The following PCSK6 variants were observed in gnomAD, a reference collection of about 807,000 sequenced individuals.
PCSK6 encodes the protein paired basic amino acid cleaving enzyme 4.
PCSK6 carries 85 observed loss-of-function variants against 123.3 expected under a neutral mutation model. The ratio of observed to expected loss-of-function variants is 0.69; its 90% CI spans 0.58 to 0.83. The LOEUF is 0.83. Among genes scored for constraint, PCSK6 ranks in the 40% least tolerant of loss-of-function variants. PCSK6 has a pLI of 0.00. For synonymous variants in PCSK6, 508 were observed against 516.0 expected, an observed-to-expected ratio of 0.98 and a Z score of 0.21; for missense variants, 1,191 against 1,282.3, an observed-to-expected ratio of 0.93 and a Z score of 1.09.
chr15:101,386,190 C>G (rs771211423), intron 9 of PCSK6, among the ~76,000 whole-genome samples: 5 of 152,050 alleles, frequency 3.3e-5, no homozygotes, highest in Non-Finnish European at 5.9e-5. Flanking sequence ...GAATGTGACC[C>G]TAGGAACACG....
At chr15:101,329,737 C>A (rs1231760850) in intron 15 of PCSK6, among the ~76,000 whole-genome samples, 1 of 152,250 alleles carries the variant, frequency 6.6e-6, no homozygotes, top group East Asian at 1.9e-4. Context: ...CTGAGCTGAT[C>A]TCAGCCCACT....
chr15:101,386,284 G>A (rs899407112), intron 9 of PCSK6, among the ~76,000 whole-genome samples: 11 of 152,082 alleles, frequency 7.2e-5, no homozygotes, highest in African/African-American at 2.2e-4. Flanking sequence ...CAGCTGCCCC[G>A]GCCTCCCCAG....
chr15:101,329,790 G>A (rs1235072899), intron 15 of PCSK6, among the ~76,000 whole-genome samples: 2 of 152,206 alleles, frequency 1.3e-5, no homozygotes, highest in Non-Finnish European at 2.9e-5. Context: ...TGAGGCCCAG[G>A]CTTCCCTGTG....
intron 6 of PCSK6, among the ~76,000 whole-genome samples, chr15:101,415,736 G>A (rs973450423): frequency 6.6e-6 from 1 of 152,212 alleles, no homozygotes; most frequent in African/African-American, 2.4e-5. Flanking sequence ...ATGGGTGCCA[G>A]TCTTTCCTGT....
At chr15:101,335,961 T>C (rs1294286221) in intron 13 of PCSK6, among the ~76,000 whole-genome samples, 1 of 152,238 alleles carries the variant, frequency 6.6e-6, no homozygotes, top group Non-Finnish European at 1.5e-5. Context: ...TAAGTGTTTG[T>C]GTACCTAAAC....
chr15:101,316,572 T>C (rs1243757393), intron 19 of PCSK6, among the ~76,000 whole-genome samples: 1 of 152,164 alleles, frequency 6.6e-6, no homozygotes, highest in African/African-American at 2.4e-5. Flanking sequence ...ATAAAAATAA[T>C]AGACAAAAAG....
rs1402363429 is a variant in PCSK6, at chr15:101,324,891, G to A, written c.2336C>T (p.Thr779Ile). 2 of 1,613,608 alleles carry A rather than the reference G, an allele frequency of 1.2e-6. No homozygotes were observed. Among genetic ancestry groups the A allele is most frequent in the Non-Finnish European group, 8.5e-7 (1 of 1,179,884 alleles). Residue 779 changes from threonine to isoleucine, a missense_variant, in exon 17 of 22, where the codon ACC (threonine) becomes ATC (isoleucine). This residue lies in a region of PCSK6 where 630 missense variants were observed against 631.4 expected (regional missense o/e 1.00). Coordinates refer to ENST00000611716, the MANE Select transcript of PCSK6 (RefSeq NM_002570.5). Reference sequence around the variant, plus strand: ...TCCTGCAGGACAGAGGGTCACACAGGTGTTCATCTCCTGGTGGTGATAGAA... The same window carrying A: ...TCCTGCAGGACAGAGGGTCACACAGATGTTCATCTCCTGGTGGTGATAGAA... ...RGFYHHQEMN[T>I]CVTLCPAGFY...
At chr15:101,377,159 GC>G (rs1567175142) in intron 11 of PCSK6, among the ~76,000 whole-genome samples, 1 of 152,234 alleles carries the variant, frequency 6.6e-6, no homozygotes, top group Non-Finnish European at 1.5e-5. Context: ...TCACCAGCTT[GC>G]CCAGCTGACC....
At chr15:101,399,929 G>A (rs1287253495) in intron 6 of PCSK6, among the ~76,000 whole-genome samples, 1 of 152,148 alleles carries the variant, frequency 6.6e-6, no homozygotes, top group Admixed American at 6.5e-5. Context: ...AAGACGTAAT[G>A]GAAAAGAGGA....
chr15:101,393,372 C>G lies in PCSK6; in HGVS notation c.1049G>C (p.Arg350Thr). 6.2e-7 allele frequency: 1 copy of G among 1,605,326 alleles called. No individual in the cohort carries two copies. Among genetic ancestry groups the G allele is most frequent in the Non-Finnish European group, 8.5e-7 (1 of 1,175,942 alleles). The change falls in exon 8 of 22, where the codon AGA (arginine) becomes ACA (threonine). Residue 350 changes from arginine to threonine, a missense_variant. Around this residue, in one of 3 missense-constraint regions of PCSK6, gnomAD observed 357 missense variants for 484.5 expected, o/e 0.74. Transcript: ENST00000611716. Reference protein sequence around the residue: ...IFVWASGNGGREGDYCSCDGY... With the variant: ...IFVWASGNGGTEGDYCSCDGY... Reference sequence around the variant, plus strand: ...ATCGCACGAGCAGTAGTCCCCCTCTCTCCCGCCATTCCCAGATGCCCAGAC... The same window carrying G: ...ATCGCACGAGCAGTAGTCCCCCTCTGTCCCGCCATTCCCAGATGCCCAGAC...
At chr15:101,448,423 T>C (rs1391288031) in intron 1 of PCSK6, among the ~76,000 whole-genome samples, 3 of 152,162 alleles carry the variant, frequency 2.0e-5, no homozygotes, top group Non-Finnish European at 4.4e-5. Flanking sequence ...ATACAAAACA[T>C]GGAAGGTACA....
At chr15:101,433,878 G>A (rs529328580) in intron 2 of PCSK6, among the ~76,000 whole-genome samples, 4 of 152,314 alleles carry the variant, frequency 2.6e-5, no homozygotes, top group Admixed American at 6.5e-5. Context: ...GCAAAATGCC[G>A]GAAGAGAGGC....
chr15:101,462,804 G>A (rs1046640637), intron 1 of PCSK6, among the ~76,000 whole-genome samples: 2 of 152,182 alleles, frequency 1.3e-5, no homozygotes, highest in African/African-American at 4.8e-5. Context: ...AAACTTGTAG[G>A]AGGACGTCTG....
At position 101,415,277 on chromosome 15, in the gene PCSK6, A is replaced by G. The variant is rs1390152; in HGVS notation, c.823+12615T>C. 7.7e-3 allele frequency among the ~76,000 whole-genome samples: 1,178 copies of G among 152,372 alleles called. 36 individuals carry two copies. The highest frequency in any genetic ancestry group is 0.061 in the Admixed American group (941 of 15,308). On this transcript the variant is annotated intron_variant, in intron 6 of 21. Transcript: ENST00000611716. ...ATAGAGGCTGATGCCTAAAGGTATC[A>G]GGCAGGCAGGGTAAATGGCTGAAGC...
intron 1 of PCSK6, among the ~76,000 whole-genome samples, chr15:101,457,248 C>A (rs1040895281): frequency 6.6e-6 from 1 of 152,116 alleles, no homozygotes; most frequent in African/African-American, 2.4e-5. Context: ...GGCCTTGGAG[C>A]CAAGGACTAC....
Position 101,305,262 on chromosome 15 carries a change from C to T in PCSK6, c.2906G>A (p.Gly969Glu), listed in dbSNP as rs1455006733. The T allele has an allele frequency of 6.2e-7, 1 of 1,610,012 alleles. No homozygotes were observed. Among genetic ancestry groups the T allele is most frequent in the Non-Finnish European group, 8.5e-7 (1 of 1,179,166 alleles). Reference protein sequence around the residue: ...QFCCRTCLLAG With the variant: ...QFCCRTCLLAE ...TCTGTGGGCAGCTAGGCACCCTTACCCGGCCAGGAGGCACGTGCGGCAGCA... is the reference window on the plus strand; with the variant it reads ...TCTGTGGGCAGCTAGGCACCCTTACTCGGCCAGGAGGCACGTGCGGCAGCA... Residue 969 changes from glycine to glutamate, a missense_variant, in exon 22 of 22, where the codon GGG becomes GAG. This residue lies in a region of PCSK6 where 630 missense variants were observed against 631.4 expected (regional missense o/e 1.00). Transcript: ENST00000611716. This position sits in a 1 kb window ranked among gnomAD's most constrained non-coding sequence, Gnocchi z 4.8.
intron 19 of PCSK6, 39 bp from the exon 20 acceptor site, chr15:101,313,544 C>A: frequency 6.4e-7 from 1 of 1,563,570 alleles, no homozygotes; most frequent in Non-Finnish European, 8.6e-7. Context: ...TCAGGGATGG[C>A]TGGCAGAAGA....
chr15:101,307,212 C>G lies in PCSK6; in HGVS notation c.2812+1G>C, dbSNP rs757857818. On this transcript the variant is annotated splice_donor_variant, in intron 21 of 21. Transcript: ENST00000611716. LOFTEE classifies it high-confidence loss of function. ...CCCAGGGTAACCCAGCTGCTGCTCACCGTTGCTGCACGTGTGGTTGGTGAT... is the reference window on the plus strand; with the variant it reads ...CCCAGGGTAACCCAGCTGCTGCTCAGCGTTGCTGCACGTGTGGTTGGTGAT... 2 of 1,610,718 alleles carry G rather than the reference C, an allele frequency of 1.2e-6. No homozygotes were observed. Among genetic ancestry groups the G allele is most frequent in the Non-Finnish European group, 1.7e-6 (2 of 1,177,302 alleles).
chr15:101,374,277 GCCT>G (rs1449441123), intron 11 of PCSK6, among the ~76,000 whole-genome samples: 4 of 141,660 alleles, frequency 2.8e-5, no homozygotes, highest in East Asian at 4.0e-4. Context: ...AGATATGTTG[GCCT>G]CCTCCTATTT....
Sources: gnomAD v4.1 joint callset for allele counts (sites outside exome capture counted in the v4.1 genomes callset) on GRCh38, gnomAD v4.1.1 for gene constraint, gnomAD v4.1.1 regional missense constraint, Gnocchi (gnomAD v3.1) non-coding constraint, MANE v1.5 for transcripts, NCBI Gene and HGNC (gene_info 2026-07-23, HGNC 2026-07-21) for gene names.